The following PIEZO2 variants were observed in gnomAD, a reference collection of about 807,000 sequenced individuals.
The protein encoded by PIEZO2 is piezo-type mechanosensitive ion channel component 2.
PIEZO2 carries 172 observed loss-of-function variants against 337.3 expected under a neutral mutation model. The observed-to-expected ratio is 0.51, with a 90% CI of 0.45 to 0.58. PIEZO2 has a LOEUF of 0.58. Among genes scored for constraint, PIEZO2 ranks in the 20% least tolerant of loss-of-function variants. The pLI is 0.00. For missense variants in PIEZO2, 3,028 were observed against 3,391.3 expected, an observed-to-expected ratio of 0.89 and a Z score of 2.66; for synonymous variants, 1,251 against 1,228.5, an observed-to-expected ratio of 1.02 and a Z score of -0.38.
intron 3 of PIEZO2, among the ~76,000 whole-genome samples, chr18:10,913,533 T>G (rs2030666183): frequency 6.6e-6 from 1 of 152,236 alleles, no homozygotes; most frequent in Non-Finnish European, 1.5e-5. Flanking sequence ...TTCTTATTTT[T>G]TATTTTTAAT....
In PIEZO2 at chr18:11,105,762, T is replaced by C. The variant is rs2039540584; in HGVS notation, c.65-39540A>G. ...TTGACTGTAAAGCTCCGTAACCATA[T>C]AAAAGTTATATTATAAAAGATAAGC... is the stretch of plus-strand genomic sequence containing the variant. On this transcript the variant is annotated intron_variant, in intron 1 of 55. Coordinates refer to ENST00000674853, the MANE Select transcript of PIEZO2 (RefSeq NM_001378183.1). This position sits in a 1 kb window ranked among gnomAD's most constrained non-coding sequence, Gnocchi z 4.3. 6.6e-6 allele frequency among the ~76,000 whole-genome samples: 1 copy of C among 152,062 alleles called. No homozygotes were observed. Among genetic ancestry groups the C allele is most frequent in the Non-Finnish European group, 1.5e-5 (1 of 68,032 alleles).
chr18:11,113,121 C>G (rs1311805481), intron 1 of PIEZO2, among the ~76,000 whole-genome samples: 1 of 152,180 alleles, frequency 6.6e-6, no homozygotes, highest in Non-Finnish European at 1.5e-5. Context: ...TTGACCTGGG[C>G]TTTATGCTCC....
rs906690232 is a variant in PIEZO2, at chr18:11,104,734, T to A, written c.65-38512A>T. Among the ~76,000 whole-genome samples, 1 of 152,190 alleles carries A rather than the reference T, an allele frequency of 6.6e-6. No homozygotes were observed. Among genetic ancestry groups the A allele is most frequent in the Non-Finnish European group, 1.5e-5 (1 of 68,030 alleles). The stretch of plus-strand genomic sequence containing the variant: ...ATGCAGGGCAGGCAAGAAATTAACC[T>A]TTGTTGTTGCAAAGCACTGAGATGT... On this transcript the variant is annotated intron_variant, in intron 1 of 55. Coordinates refer to ENST00000674853, the MANE Select transcript of PIEZO2 (RefSeq NM_001378183.1). The surrounding 1 kb of genome is among the most constrained non-coding windows in gnomAD (Gnocchi z 4.6).
intron 5 of PIEZO2, among the ~76,000 whole-genome samples, chr18:10,869,942 CTCGG>C (rs1173406015): frequency 2.0e-4 from 31 of 151,854 alleles, no homozygotes; most frequent in African/African-American, 7.2e-4. Context: ...GTGGTGTGAT[CTCGG>C]CTCACTGCAA....
At chr18:10,761,181 C>T (rs2038114960) in intron 23 of PIEZO2, 70 bp from the exon 24 acceptor site, 7 of 1,290,110 alleles carry the variant, frequency 5.4e-6, no homozygotes, top group Admixed American at 2.0e-5. Context: ...GCAATCCCCA[C>T]ATTCTGCACA....
rs762024667 is a variant in PIEZO2, at chr18:11,128,257, C to G, written c.64+20268G>C. Reference sequence around the variant, plus strand: ...GGCTTCAGAAGCACATACTGAGCCTCAAATCTGCTAAGATTGCCTTGAGTG... The same window carrying G: ...GGCTTCAGAAGCACATACTGAGCCTGAAATCTGCTAAGATTGCCTTGAGTG... On this transcript the variant is annotated intron_variant, in intron 1 of 55. Transcript: ENST00000674853. This position sits in a 1 kb window ranked among gnomAD's most constrained non-coding sequence, Gnocchi z 4.1. Among the ~76,000 whole-genome samples the G allele has an allele frequency of 5.3e-5, 8 of 152,156 alleles. No individual in the cohort carries two copies. The highest frequency in any genetic ancestry group is 1.0e-4 in the Non-Finnish European group (7 of 68,028).
At position 10,748,537 on chromosome 18, in the gene PIEZO2, A is replaced by G; in HGVS notation, c.4358T>C (p.Val1453Ala). 6.5e-7 allele frequency: 1 copy of G among 1,536,196 alleles called. No homozygotes were observed. Among genetic ancestry groups the G allele is most frequent in the Non-Finnish European group, 8.7e-7 (1 of 1,146,628 alleles). Residue 1453 changes from valine to alanine, a missense_variant, in exon 30 of 56, where the codon GTT (valine) becomes GCT (alanine). By Grantham distance (64) the Val-to-Ala change is moderately conservative. Coordinates refer to ENST00000674853, the MANE Select transcript of PIEZO2 (RefSeq NM_001378183.1). The surrounding 1 kb of genome is among the most constrained non-coding windows in gnomAD (Gnocchi z 5.1). The stretch of plus-strand genomic sequence containing the variant: ...ATGTAGAAAATAATAACTCATGAAA[A>G]CTCTTCTTTGCAGCAGGAGGAAGGC... ...CFAFLLLQRR[V>A]FMSYYFLHVV...
At chr18:10,754,406 T>A (rs2037759334) in intron 27 of PIEZO2, among the ~76,000 whole-genome samples, 1 of 152,220 alleles carries the variant, frequency 6.6e-6, no homozygotes, top group South Asian at 2.1e-4. Flanking sequence ...GTGCGCTGGC[T>A]TCCTACTTAC....
intron 3 of PIEZO2, among the ~76,000 whole-genome samples, chr18:10,964,451 A>G (rs1041143217): frequency 1.6e-4 from 25 of 152,342 alleles, no homozygotes; most frequent in African/African-American, 6.0e-4. Flanking sequence ...AATAGTAAAC[A>G]CATTGAAAAA....
Position 10,870,287 on chromosome 18 carries a change from A to G in PIEZO2, c.492+966T>C, listed in dbSNP as rs2042109037. 6.6e-6 allele frequency among the ~76,000 whole-genome samples: 1 copy of G among 152,124 alleles called. No homozygotes were observed. The highest frequency in any genetic ancestry group is 6.6e-5 in the Admixed American group (1 of 15,262). ...TGCTTTCTTGTGAACCATATAAATC[A>G]TTTTCCATAAGTGAGAATTTTCCTC... On this transcript the variant is annotated intron_variant, in intron 5 of 55. Coordinates refer to ENST00000674853, the MANE Select transcript of PIEZO2 (RefSeq NM_001378183.1). The surrounding 1 kb of genome is among the most constrained non-coding windows in gnomAD (Gnocchi z 5.3).
Position 10,800,426 on chromosome 18 carries a change from T to C in PIEZO2, c.1289A>G (p.His430Arg), listed in dbSNP as rs1421816630. The C allele has an allele frequency of 5.9e-6, 9 of 1,535,150 alleles. No homozygotes were observed. Residue 430 changes from histidine (H) to arginine (R), a missense_variant, in exon 11 of 56, where the codon CAC becomes CGC. Around this residue, in one of 5 missense-constraint regions of PIEZO2, gnomAD observed 542 missense variants for 605.6 expected, o/e 0.89. Transcript: ENST00000674853. The stretch of plus-strand genomic sequence containing the variant: ...GCCGTTCTCCATGGGCAGGCTTGGG[T>C]GGATGGTGTGGTAATCCACGGGGTT... The part of the protein sequence containing the change: ...NGNPVDYHTI[H>R]PSLPMENGPG...
chr18:11,100,777 A>G (rs1324022477), intron 1 of PIEZO2, among the ~76,000 whole-genome samples: 2 of 152,070 alleles, frequency 1.3e-5, no homozygotes, highest in Non-Finnish European at 2.9e-5. Context: ...TTGTATTTTT[A>G]GTAGAGACAG....
At chr18:11,043,956 A>G (rs567567448) in intron 2 of PIEZO2, among the ~76,000 whole-genome samples, 1 of 152,244 alleles carries the variant, frequency 6.6e-6, no homozygotes, top group Non-Finnish European at 1.5e-5. Flanking sequence ...TTACAGGTTG[A>G]GCCACCGTGT....
Position 10,726,604 on chromosome 18 carries a change from G to C in PIEZO2, c.5029+4803C>G. On this transcript the variant is annotated intron_variant, in intron 36 of 55. Coordinates refer to ENST00000674853, the MANE Select transcript of PIEZO2 (RefSeq NM_001378183.1). The surrounding 1 kb of genome is among the most constrained non-coding windows in gnomAD (Gnocchi z 5.9). ...GCTCTTCCAGGACCTGGCGCGCTAC[G>C]TGCGGGACGCCGACGTGCGCTGGGA... 7.5e-7 allele frequency: 1 copy of C among 1,341,564 alleles called. No homozygotes were observed. The highest frequency in any genetic ancestry group is 1.9e-4 in the Middle Eastern group (1 of 5,168). The allele number at this position is 1,341,564 out of a possible 1,614,324, so 83.1% of individuals were successfully genotyped here. A position where few individuals can be genotyped will look rare whatever the true frequency, so the allele number is the denominator to read the frequency against.
At chr18:11,098,212 A>G (rs151289723) in intron 1 of PIEZO2, among the ~76,000 whole-genome samples, 2,358 of 152,008 alleles carry the variant, frequency 0.016, 37 homozygotes, top group Non-Finnish European at 0.022. Context: ...ATTTCAGAAA[A>G]TATTGATACT....
intron 1 of PIEZO2, among the ~76,000 whole-genome samples, chr18:11,121,036 T>G (rs555024678): frequency 2.0e-5 from 3 of 152,170 alleles, no homozygotes; most frequent in Non-Finnish European, 2.9e-5. Flanking sequence ...GTGGATCACT[T>G]GAGGTCAGGA....
intron 7 of PIEZO2, among the ~76,000 whole-genome samples, chr18:10,814,891 T>C (rs1016370174): frequency 7.2e-5 from 11 of 152,330 alleles, no homozygotes. Context: ...GCTGCGTTTC[T>C]GTAAGCGAGT....
At position 10,942,061 on chromosome 18, in the gene PIEZO2, CGGCCACGATCGTGA is replaced by C. The variant is rs1269801163; in HGVS notation, c.287-30847_287-30834del. On this transcript the variant is annotated intron_variant, in intron 3 of 55. Coordinates refer to ENST00000674853, the MANE Select transcript of PIEZO2 (RefSeq NM_001378183.1). The surrounding 1 kb of genome is among the most constrained non-coding windows in gnomAD (Gnocchi z 4.4). ...GATGTGACTTGCTCCTCCTTGCTTT[CGGCCACGATCGTGA>C]GGCCTCTCCAGCCATGTGGAACTGT... Among the ~76,000 whole-genome samples, 1 of 152,214 alleles carries C rather than the reference CGGCCACGATCGTGA, an allele frequency of 6.6e-6. No homozygotes were observed. The highest frequency in any genetic ancestry group is 1.5e-5 in the Non-Finnish European group (1 of 68,040).
intron 1 of PIEZO2, among the ~76,000 whole-genome samples, chr18:11,123,583 C>T (rs5024977): frequency 0.57 from 85,983 of 151,890 alleles, 27,108 homozygotes; most frequent in Non-Finnish European, 0.7. Flanking sequence ...CCGAGGCGGG[C>T]GGATCATGAG....
Sources: gnomAD v4.1 joint callset for allele counts (sites outside exome capture counted in the v4.1 genomes callset) on GRCh38, gnomAD v4.1.1 for gene constraint, gnomAD v4.1.1 regional missense constraint, Gnocchi (gnomAD v3.1) non-coding constraint, MANE v1.5 for transcripts, NCBI Gene and HGNC (gene_info 2026-07-23, HGNC 2026-07-21) for gene names.